DSCAM: variants seen among roughly 807,000 people sequenced by gnomAD.
DSCAM encodes cell adhesion molecule DSCAM.
DSCAM carries 47 observed loss-of-function variants against 217.7 expected under a neutral mutation model. The ratio of observed to expected loss-of-function variants is 0.22; its 90% CI spans 0.17 to 0.28. The LOEUF is 0.28. Among genes scored for constraint, DSCAM ranks in the 10% least tolerant of loss-of-function variants. The probability of loss-of-function intolerance (pLI) is 1.00; values close to 1 mark genes in which losing one functional copy is unlikely to be tolerated. For synonymous variants in DSCAM, 1,056 were observed against 1,015.3 expected, an observed-to-expected ratio of 1.04 and a Z score of -0.76; for missense variants, 2,080 against 2,618.3, an observed-to-expected ratio of 0.79 and a Z score of 4.49.
intron 5 of DSCAM, among the ~76,000 whole-genome samples, chr21:40,351,161 C>T (rs762370909): frequency 2.0e-5 from 3 of 152,018 alleles, no homozygotes; most frequent in South Asian, 2.1e-4. Context: ...CAATTAAGAT[C>T]CAATCTAGGA....
At chr21:40,648,941 A>G (rs1229688305) in intron 3 of DSCAM, among the ~76,000 whole-genome samples, 6 of 152,218 alleles carry the variant, frequency 3.9e-5, no homozygotes. Context: ...TACAAGCTAT[A>G]GGACAGCAAG....
At chr21:40,558,692 T>C (rs1392849123) in intron 3 of DSCAM, among the ~76,000 whole-genome samples, 1 of 152,220 alleles carries the variant, frequency 6.6e-6, no homozygotes, top group East Asian at 1.9e-4. Flanking sequence ...TTTTCTTTTT[T>C]ACACTTATTT....
chr21:40,178,412 T>C (rs1006472964), intron 15 of DSCAM, among the ~76,000 whole-genome samples: 1 of 152,182 alleles, frequency 6.6e-6, no homozygotes, highest in South Asian at 2.1e-4. Flanking sequence ...TATAATGTTG[T>C]TTGTAATAGA....
At chr21:40,527,196 C>T (rs2205134) in intron 3 of DSCAM, among the ~76,000 whole-genome samples, 6 of 152,006 alleles carry the variant, frequency 3.9e-5, no homozygotes, top group African/African-American at 9.7e-5. Flanking sequence ...TGCCTTCAGA[C>T]AAAATCTACC....
chr21:40,096,053 T>A (rs750221036), intron 20 of DSCAM, among the ~76,000 whole-genome samples: 1 of 152,198 alleles, frequency 6.6e-6, no homozygotes, highest in East Asian at 1.9e-4. Context: ...AAAGTCAAGC[T>A]GGGAACTGCT....
At chr21:40,305,010 G>GA (rs1175627981) in intron 9 of DSCAM, among the ~76,000 whole-genome samples, 2 of 152,028 alleles carry the variant, frequency 1.3e-5, no homozygotes, top group African/African-American at 4.8e-5. Flanking sequence ...CACACTGTTG[G>GA]AAAAAATGGT....
intron 3 of DSCAM, among the ~76,000 whole-genome samples, chr21:40,519,672 C>G (rs2076342837): frequency 6.6e-6 from 1 of 152,058 alleles, no homozygotes; most frequent in African/African-American, 2.4e-5. Flanking sequence ...GCTGTGACAG[C>G]CCAAATAGAC....
intron 1 of DSCAM, among the ~76,000 whole-genome samples, chr21:40,834,778 GCCTCCAGACCC>G (rs1429263995): frequency 1.3e-5 from 2 of 152,068 alleles, no homozygotes; most frequent in Admixed American, 1.3e-4. Flanking sequence ...CCCAGAGAAG[GCCTCCAGACCC>G]CCCAGGAAAA....
intron 1 of DSCAM, among the ~76,000 whole-genome samples, chr21:40,791,391 A>C (rs543791857): frequency 1.3e-5 from 2 of 152,148 alleles, no homozygotes; most frequent in African/African-American, 4.8e-5. Context: ...GCAGTGGTTC[A>C]CGCCTGTAAT....
At chr21:40,817,353 C>A (rs1353526633) in intron 1 of DSCAM, among the ~76,000 whole-genome samples, 4 of 152,122 alleles carry the variant, frequency 2.6e-5, no homozygotes, top group African/African-American at 9.7e-5. Context: ...TTCAAGGCAC[C>A]TATGATAAAA....
chr21:40,550,808 G>A (rs1315441109), intron 3 of DSCAM, among the ~76,000 whole-genome samples: 31 of 152,172 alleles, frequency 2.0e-4, no homozygotes. Context: ...TAACATTTAT[G>A]GACAGAAAAA....
intron 11 of DSCAM, among the ~76,000 whole-genome samples, chr21:40,253,470 AC>A (rs1257975775): frequency 2.0e-5 from 3 of 152,152 alleles, no homozygotes; most frequent in African/African-American, 7.2e-5. Flanking sequence ...CTTCTGCAGT[AC>A]CTGAGTTTAT....
rs553658666 is a variant in DSCAM at position 40,336,208 on chromosome 21, T to C, written c.1783+1893A>G. On this transcript the variant is annotated intron_variant, in intron 8 of 32. Transcript: ENST00000400454. ...AAATTCGACCAGCTGCTTTTCTTCA[T>C]GGAATTCCATTTCTTTCTTAAAAGA... is the stretch of plus-strand genomic sequence containing the variant. Among the ~76,000 whole-genome samples the C allele has an allele frequency of 3.3e-5, 5 of 152,290 alleles. No homozygotes were observed. The South Asian group carries it at 8.3e-4, about 25-fold the overall frequency.
In DSCAM at chr21:40,112,871, AG is replaced by A. The variant is rs551609876; in HGVS notation, c.3696+11323del. Among the ~76,000 whole-genome samples the A allele has an allele frequency of 5.6e-4, 86 of 152,328 alleles. No individual in the cohort carries two copies. The South Asian group carries it at 6.8e-3, about 12-fold the overall frequency. ...CCCTCCCAAGACTAAACCAGAAAGA[AG>A]TTGAATCTCTGAATAGACCAATAAG... On this transcript the variant is annotated intron_variant, in intron 20 of 32. Transcript: ENST00000400454.
intron 8 of DSCAM, among the ~76,000 whole-genome samples, chr21:40,336,482 A>G (rs2074431138): frequency 6.6e-6 from 1 of 152,222 alleles, no homozygotes; most frequent in African/African-American, 2.4e-5. Flanking sequence ...ATATTGTATA[A>G]CAAATTGTAT....
At chr21:40,297,218 A>T (rs1269046402) in intron 9 of DSCAM, among the ~76,000 whole-genome samples, 1 of 152,172 alleles carries the variant, frequency 6.6e-6, no homozygotes, top group East Asian at 1.9e-4. Context: ...AACCATCCCT[A>T]CCTAAAACAT....
intron 3 of DSCAM, among the ~76,000 whole-genome samples, chr21:40,576,615 C>T (rs2076852371): frequency 6.6e-6 from 1 of 151,954 alleles, no homozygotes; most frequent in South Asian, 2.1e-4. Flanking sequence ...CACAGGAGAA[C>T]AGAGACAAGT....
rs371580035 is a variant in DSCAM at position 40,167,325 on chromosome 21, G to A, written c.2948-37C>T. On this transcript the variant is annotated intron_variant, in intron 15 of 32. Coordinates refer to ENST00000400454, the MANE Select transcript of DSCAM (RefSeq NM_001389.5). ...AAAAACCCACAGGCAGGTTAGAGAC[G>A]CTTTCCGGAGCAGATCGAAGCCTAC... The A allele has an allele frequency of 5.6e-5, 90 of 1,593,906 alleles. No homozygotes were observed. The Middle Eastern group carries it at 1.0e-3, about 18-fold the overall frequency.
chr21:40,346,983 A>C (rs2074564487), intron 6 of DSCAM, among the ~76,000 whole-genome samples: 1 of 152,268 alleles, frequency 6.6e-6, no homozygotes, highest in Middle Eastern at 3.4e-3. Context: ...ATCTAGTGGA[A>C]AGGGGCCAGA....
Sources: allele counts gnomAD v4.1 joint callset (sites outside exome capture counted in the v4.1 genomes callset), GRCh38; gene constraint gnomAD v4.1.1; transcripts MANE v1.5; gene names NCBI Gene and HGNC (gene_info 2026-07-23, HGNC 2026-07-21).